AFAP1: variants seen among roughly 807,000 people sequenced by gnomAD.
AFAP1 encodes the protein actin filament associated protein 1.
AFAP1 carries 75 observed loss-of-function variants against 93.9 expected under a neutral mutation model. The observed-to-expected ratio is 0.80, with a 90% CI of 0.66 to 0.97. The LOEUF (loss-of-function observed/expected upper bound fraction) is 0.97. Among genes scored for constraint, AFAP1 ranks in the 50% least tolerant of loss-of-function variants. AFAP1 has a pLI of 0.00. For missense variants in AFAP1, 1,201 were observed against 1,050.8 expected (o/e 1.14, Z -1.98); for synonymous variants, 517 against 430.7 (o/e 1.20, Z -2.48).
chr4:7,847,080 TAGC>T (rs1171275409), intron 4 of AFAP1, among the ~76,000 whole-genome samples: 1 of 152,212 alleles, frequency 6.6e-6, no homozygotes, highest in Non-Finnish European at 1.5e-5. Flanking sequence ...CCAGCCAACT[TAGC>T]AGCAAACAAG....
At chr4:7,805,628 G>A (rs764782337) in intron 9 of AFAP1, among the ~76,000 whole-genome samples, 2 of 152,208 alleles carry the variant, frequency 1.3e-5, no homozygotes, top group African/African-American at 4.8e-5. Context: ...CCATTTCCTA[G>A]ATGGAGGAGC....
At chr4:7,798,884 C>T (rs10029941) in intron 10 of AFAP1, 161,590 of 989,222 alleles carry the variant, frequency 0.16, 13,894 homozygotes, top group African/African-American at 0.29. Flanking sequence ...TCTCCCTCTT[C>T]ATTCCTGTAT....
At chr4:7,888,107 G>A (rs768648106) in intron 1 of AFAP1, among the ~76,000 whole-genome samples, 8 of 152,044 alleles carry the variant, frequency 5.3e-5, no homozygotes, top group Non-Finnish European at 8.8e-5. Context: ...GATTACAGGC[G>A]TGAGCCACCA....
rs1342581860 is a variant in AFAP1, at chr4:7,793,693, T to C, written c.1400A>G (p.Lys467Arg). The change falls in exon 11 of 18, where the codon AAA becomes AGA. Residue 467 changes from lysine to arginine, a missense_variant. Physicochemically the swap from Lys to Arg is conservative, Grantham distance 26 (BLOSUM62 2). Coordinates refer to ENST00000420658, the MANE Select transcript of AFAP1 (RefSeq NM_001134647.2). ...EMSASVIQTA[K>R]QTFCFMNRRV... is the part of the protein sequence containing the mutation. Reference sequence around the variant, plus strand: ...CAGTGGGTCTTACCAGAAGGTCTGTTTGGCTGTCTGAATGACACTTGCAGA... The same window carrying C: ...CAGTGGGTCTTACCAGAAGGTCTGTCTGGCTGTCTGAATGACACTTGCAGA... The C allele has an allele frequency of 6.4e-7, 1 of 1,550,814 alleles. No homozygotes were observed.
At chr4:7,840,676 TA>T (rs1273093825) in intron 5 of AFAP1, among the ~76,000 whole-genome samples, 1 of 152,114 alleles carries the variant, frequency 6.6e-6, no homozygotes. Flanking sequence ...ATCCCCTTTT[TA>T]AAAACTCAAC....
At chr4:7,809,859 G>A (rs1719859533) in intron 8 of AFAP1, 96 bp from the exon 9 acceptor site, 2 of 1,437,656 alleles carry the variant, frequency 1.4e-6, no homozygotes, top group Non-Finnish European at 1.9e-6. Flanking sequence ...CTTTCCCTTG[G>A]CATTTTTTTC....
intron 4 of AFAP1, among the ~76,000 whole-genome samples, chr4:7,846,929 AT>A (rs1216466116): frequency 2.0e-5 from 3 of 152,218 alleles, no homozygotes; most frequent in Non-Finnish European, 4.4e-5. Flanking sequence ...GTGCCTTTGT[AT>A]TTTAAACGGA....
chr4:7,782,083 T>A (rs114485683), intron 12 of AFAP1, among the ~76,000 whole-genome samples: 8,243 of 152,220 alleles, frequency 0.054, 763 homozygotes, highest in African/African-American at 0.19. Flanking sequence ...TGGGTCTACA[T>A]AAAGACACAC....
intron 1 of AFAP1, among the ~76,000 whole-genome samples, chr4:7,877,443 G>A (rs1577328081): frequency 6.6e-6 from 1 of 152,334 alleles, no homozygotes; most frequent in East Asian, 1.9e-4. Flanking sequence ...CTCACATAGT[G>A]ATTACAAGTG....
At position 7,843,148 on chromosome 4, in the gene AFAP1, G is replaced by T. The variant is rs762121873; in HGVS notation, c.537C>A (p.Thr179=). The change falls in exon 5 of 18, where the codon ACC becomes ACA. Residue 179 remains threonine, a synonymous_variant. Coordinates refer to ENST00000420658, the MANE Select transcript of AFAP1 (RefSeq NM_001134647.2). ...WTKLLCVIKD[T]KLLCYKSSKD... ...ATTCCAAATGTCTTACCAGCAGTTTGGTGTCTTTGATGACGCAGAGCAACT... is the reference window on the plus strand; with the variant it reads ...ATTCCAAATGTCTTACCAGCAGTTTTGTGTCTTTGATGACGCAGAGCAACT... 2 of 1,613,838 alleles carry T rather than the reference G, an allele frequency of 1.2e-6. No individual in the cohort carries two copies. The highest frequency in any genetic ancestry group is 2.2e-5 in the East Asian group (1 of 44,892).
chr4:7,898,113 G>C (rs1256749689), intron 1 of AFAP1, among the ~76,000 whole-genome samples: 1 of 152,122 alleles, frequency 6.6e-6, no homozygotes, highest in Non-Finnish European at 1.5e-5. Context: ...TGGGTTACTG[G>C]AAAAGCCTCC....
rs1274121694 is a variant in AFAP1 at position 7,781,431 on chromosome 4, T to A, written c.1727A>T (p.Gln576Leu). Residue 576 changes from glutamine to leucine, a missense_variant, in exon 13 of 18, where the codon CAG becomes CTG. Transcript: ENST00000420658. Reference protein sequence around the residue: ...SNHYKYPASAQSVTNTSSVGR... With the variant: ...SNHYKYPASALSVTNTSSVGR... ...CACAGAAGAGGTATTAGTGACAGACTGAGCGGAGGCAGGGTATTTGTAATG... is the reference window on the plus strand; with the variant it reads ...CACAGAAGAGGTATTAGTGACAGACAGAGCGGAGGCAGGGTATTTGTAATG... 1.3e-6 allele frequency: 2 copies of A among 1,552,066 alleles called. No homozygotes were observed. Among genetic ancestry groups the A allele is most frequent in the Middle Eastern group, 1.7e-4 (1 of 5,998 alleles).
intron 1 of AFAP1, among the ~76,000 whole-genome samples, chr4:7,888,013 G>A (rs1425429981): frequency 2.0e-5 from 3 of 151,978 alleles, no homozygotes; most frequent in Non-Finnish European, 4.4e-5. Flanking sequence ...TTTTGGTAGT[G>A]ACATGGTTTC....
chr4:7,893,701 C>CGG (rs1255581542), intron 1 of AFAP1, among the ~76,000 whole-genome samples: 1 of 152,032 alleles, frequency 6.6e-6, no homozygotes, highest in African/African-American at 2.4e-5. Context: ...AACTCACCAC[C>CGG]GGGGGTTCTT....
At chr4:7,870,923 T>C (rs1364809131) in intron 2 of AFAP1, among the ~76,000 whole-genome samples, 1 of 152,190 alleles carries the variant, frequency 6.6e-6, no homozygotes, top group African/African-American at 2.4e-5. Context: ...GTGAAGTGTA[T>C]GGCCTGTGAA....
At position 7,799,543 on chromosome 4, in the gene AFAP1, G is replaced by A. The variant is rs555514222; in HGVS notation, c.1266+899C>T. ...CTGCCACACACCGGCCACCCAGCAC[G>A]CCTCACATGAACTGGTTTCTATCGA... is the stretch of plus-strand genomic sequence containing the variant. On this transcript the variant is annotated intron_variant, in intron 10 of 17. Transcript: ENST00000420658. Among the ~76,000 whole-genome samples, 194 of 152,244 alleles carry A rather than the reference G, an allele frequency of 1.3e-3. 2 individuals carry two copies. The highest frequency in any genetic ancestry group is 4.5e-3 in the African/African-American group (187 of 41,556).
chr4:7,866,338 G>C (rs956372486), intron 3 of AFAP1, among the ~76,000 whole-genome samples: 5 of 152,098 alleles, frequency 3.3e-5, no homozygotes, highest in African/African-American at 9.7e-5. Context: ...CTGGACTACA[G>C]CTGCACACCA....
intron 9 of AFAP1, among the ~76,000 whole-genome samples, chr4:7,804,962 C>T (rs945979477): frequency 6.6e-6 from 1 of 152,200 alleles, no homozygotes; most frequent in South Asian, 2.1e-4. Context: ...TCCCACTCTT[C>T]GCAGTGTGTC....
rs367921123 is a variant in AFAP1 at position 7,800,670 on chromosome 4, C to T, written c.1055-17G>A. 49 of 1,613,944 alleles carry T rather than the reference C, an allele frequency of 3.0e-5. No individual in the cohort carries two copies. Among genetic ancestry groups the T allele is most frequent in the Non-Finnish European group, 4.0e-5 (47 of 1,179,958 alleles). On this transcript the variant is annotated splice_polypyrimidine_tract_variant and intron_variant, in intron 9 of 17. Coordinates refer to ENST00000420658, the MANE Select transcript of AFAP1 (RefSeq NM_001134647.2). ...TCAGATAGCCTGCGGAGACACAAGG[C>T]CACAGGTCAGCCGCCTCGGACAAGA...
Sources: gnomAD v4.1 joint callset for allele counts (sites outside exome capture counted in the v4.1 genomes callset) on GRCh38, gnomAD v4.1.1 for gene constraint, MANE v1.5 for transcripts, NCBI Gene and HGNC (gene_info 2026-07-23, HGNC 2026-07-21) for gene names.